Variants in LMNA observed in about 807,000 individuals in gnomAD.
LMNA encodes the protein lamin.
LMNA carries 20 observed loss-of-function variants against 70.4 expected under a neutral mutation model. The observed-to-expected ratio is 0.28, with a 90% CI of 0.20 to 0.41. The LOEUF (loss-of-function observed/expected upper bound fraction) is 0.41. Ranked by LOEUF, LMNA falls within the 10% of genes least tolerant of loss-of-function variation. LMNA has a pLI of 1.00. For synonymous variants in LMNA, 339 were observed against 372.8 expected, an observed-to-expected ratio of 0.91 and a Z score of 1.04; for missense variants, 652 against 917.2, an observed-to-expected ratio of 0.71 and a Z score of 3.73.
At position 156,116,492 on chromosome 1, in the gene LMNA, AG is replaced by A. The variant is rs1194736836; in HGVS notation, c.356+1221del. On this transcript the variant is annotated intron_variant, in intron 1 of 11. Coordinates refer to ENST00000368300, the MANE Select transcript of LMNA (RefSeq NM_170707.4). ...ATGCAGACCCAGGCCAAGAGCACTA[AG>A]GGTGCTTGGAGATCCGTAAAGGGCT... is the stretch of plus-strand genomic sequence containing the variant. Among the ~76,000 whole-genome samples, 12 of 152,196 alleles carry A rather than the reference AG, an allele frequency of 7.9e-5. 1 individual carries two copies. The East Asian group carries it at 1.9e-3, about 24-fold the overall frequency.
rs1649740885 is a variant in LMNA, at chr1:156,115,248, T to C, written c.330T>C (p.Arg110=). 1 of 1,611,416 alleles carries C rather than the reference T, an allele frequency of 6.2e-7. No individual in the cohort carries two copies. The highest frequency in any genetic ancestry group is 1.3e-5 in the African/African-American group (1 of 74,870). ...ARLQLELSKV[R]EEFKELKARN... is the part of the protein sequence containing the mutation. ...TGCAGCTGGAGCTGAGCAAAGTGCG[T>C]GAGGAGTTTAAGGAGCTGAAAGCGC... Residue 110 remains arginine (R), a synonymous_variant, in exon 1 of 12, where the codon CGT becomes CGC. Transcript: ENST00000368300. The surrounding 1 kb of genome is among the most constrained non-coding windows in gnomAD (Gnocchi z 5.8).
Position 156,135,343 on chromosome 1 carries a change from G to A in LMNA, c.936+31G>A, listed in dbSNP as rs1455380222. Reference sequence around the variant, plus strand: ...ACCCCACCTCACCCCTCTCTCCAGGGGCCTAGAGTCTGGGCCGGATGCAGG... The same window carrying A: ...ACCCCACCTCACCCCTCTCTCCAGGAGCCTAGAGTCTGGGCCGGATGCAGG... On this transcript the variant is annotated intron_variant, in intron 5 of 11. Coordinates refer to ENST00000368300, the MANE Select transcript of LMNA (RefSeq NM_170707.4). The surrounding 1 kb of genome is among the most constrained non-coding windows in gnomAD (Gnocchi z 4.8). 5 of 1,608,404 alleles carry A rather than the reference G, an allele frequency of 3.1e-6. No homozygotes were observed. Among genetic ancestry groups the A allele is most frequent in the Non-Finnish European group, 4.2e-6 (5 of 1,177,732 alleles).
chr1:156,137,282 G>A lies in LMNA; in HGVS notation c.1608+50G>A, dbSNP rs1304205434. 2 of 1,538,634 alleles carry A rather than the reference G, an allele frequency of 1.3e-6. No individual in the cohort carries two copies. Among genetic ancestry groups the A allele is most frequent in the Non-Finnish European group, 8.7e-7 (1 of 1,147,692 alleles). On this transcript the variant is annotated intron_variant, in intron 9 of 11. Coordinates refer to ENST00000368300, the MANE Select transcript of LMNA (RefSeq NM_170707.4). The surrounding 1 kb of genome is among the most constrained non-coding windows in gnomAD (Gnocchi z 4.6). Reference sequence around the variant, plus strand: ...TTGCTGGACGAGGCTCCCCCTGATGGCCAACATCGGAGCCAGCTGCCCCCA... The same window carrying A: ...TTGCTGGACGAGGCTCCCCCTGATGACCAACATCGGAGCCAGCTGCCCCCA...
In LMNA at chr1:156,136,318, T is replaced by C. The variant is rs267607564; in HGVS notation, c.1262T>C (p.Leu421Pro). ...GGCAGCGTCACCAAAAAGCGCAAAC[T>C]GGAGTCCACTGAGAGCCGCAGCAGC... is the stretch of plus-strand genomic sequence containing the variant. ...GGGSVTKKRKLESTESRSSFS... is the reference protein window; with the variant it reads ...GGGSVTKKRKPESTESRSSFS... The change falls in exon 7 of 12, where the codon CTG becomes CCG. Residue 421 changes from leucine to proline, a missense_variant. Physicochemically the swap from Leu to Pro is moderately conservative, Grantham distance 98 (BLOSUM62 -3). Coordinates refer to ENST00000368300, the MANE Select transcript of LMNA (RefSeq NM_170707.4). This position sits in a 1 kb window ranked among gnomAD's most constrained non-coding sequence, Gnocchi z 6.1. 8 of 1,612,104 alleles carry C rather than the reference T, an allele frequency of 5.0e-6. No individual in the cohort carries two copies. Among genetic ancestry groups the C allele is most frequent in the Admixed American group, 1.7e-5 (1 of 59,994 alleles).
intron 3 of LMNA, among the ~76,000 whole-genome samples, chr1:156,108,280 G>GA (rs1649421228): frequency 1.3e-5 from 2 of 152,090 alleles, no homozygotes; most frequent in African/African-American, 4.8e-5. Flanking sequence ...TTAATACCCT[G>GA]TAGTCAAAGG....
chr1:156,096,873 G>C (rs1380656868), intron 3 of LMNA, among the ~76,000 whole-genome samples: 1 of 152,212 alleles, frequency 6.6e-6, no homozygotes. Flanking sequence ...AGGGTTCTCA[G>C]CTGGGGCAGG....
chr1:156,091,279 T>G (rs1648687022), intron 3 of LMNA, among the ~76,000 whole-genome samples: 1 of 152,064 alleles, frequency 6.6e-6, no homozygotes, highest in Non-Finnish European at 1.5e-5. Flanking sequence ...TGAAGGGAAA[T>G]AATAATATCT....
At chr1:156,092,975 G>A (rs1464404588) in intron 3 of LMNA, among the ~76,000 whole-genome samples, 14 of 147,586 alleles carry the variant, frequency 9.5e-5, no homozygotes, top group African/African-American at 2.5e-4. Flanking sequence ...TGCAACTTCC[G>A]CCTCCTGGGT....
chr1:156,135,807 A>G lies in LMNA; in HGVS notation c.937-94A>G, dbSNP rs1346351527. ...GAAGCTCTGATTGCAGATCCTGGAG[A>G]GAGTAGCCAGGTGTCTCCTACACCG... is the stretch of plus-strand genomic sequence containing the variant. On this transcript the variant is annotated intron_variant, in intron 5 of 11. Transcript: ENST00000368300. This position sits in a 1 kb window ranked among gnomAD's most constrained non-coding sequence, Gnocchi z 4.8. The G allele has an allele frequency of 2.0e-6, 2 of 991,626 alleles. No individual in the cohort carries two copies. Among genetic ancestry groups the G allele is most frequent in the African/African-American group, 1.6e-5 (1 of 62,458 alleles). The allele number at this position is 991,626 out of a possible 1,614,324, so 61.4% of individuals were successfully genotyped here.
Position 156,137,217 on chromosome 1 carries a change from C to A in LMNA, c.1593C>A (p.Ile531=), listed in dbSNP as rs1651734080. The A allele has an allele frequency of 1.9e-6, 3 of 1,589,630 alleles. No homozygotes were observed. Among genetic ancestry groups the A allele is most frequent in the Non-Finnish European group, 2.6e-6 (3 of 1,169,808 alleles). Residue 531 remains isoleucine (I), a synonymous_variant, in exon 9 of 12, where the codon ATC becomes ATA. Transcript: ENST00000368300. This position sits in a 1 kb window ranked among gnomAD's most constrained non-coding sequence, Gnocchi z 4.6. ...GCGNSLRTAL[I]NSTGEEVAMR... ...GGAACAGCCTGCGTACGGCTCTCAT[C>A]AACTCCACTGGGGAAGTAAGTAGGC...
Position 156,139,647 on chromosome 1 carries a change from C to G in LMNA, c.*541C>G. The G allele has an allele frequency of 1.3e-6, 2 of 1,485,106 alleles. No homozygotes were observed. Among genetic ancestry groups the G allele is most frequent in the Non-Finnish European group, 1.8e-6 (2 of 1,122,680 alleles). The allele number at this position is 1,485,106 out of a possible 1,614,324, so 92.0% of individuals were successfully genotyped here. On this transcript the variant is annotated 3_prime_UTR_variant, in exon 12 of 12. Coordinates refer to ENST00000368300, the MANE Select transcript of LMNA (RefSeq NM_170707.4). ...CCCCTGGGCTTGGCCTGCTGTGATT[C>G]CACTACACCTGGCTGAGGTTCCTCT... is the stretch of plus-strand genomic sequence containing the variant.
rs552076861 is a variant in LMNA, at chr1:156,138,077, C to G, written c.1698+334C>G. 3.3e-5 allele frequency: 18 copies of G among 540,480 alleles called. No individual in the cohort carries two copies. The highest frequency in any genetic ancestry group is 5.0e-5 in the Non-Finnish European group (15 of 300,470). The allele number at this position is 540,480 out of a possible 1,614,324, so 33.5% of individuals were successfully genotyped here. Reference sequence around the variant, plus strand: ...GCATGCCCGCCCTGCCTCTCTCCCCCATTCTTGTTGCATGCATATCCTCTC... The same window carrying G: ...GCATGCCCGCCCTGCCTCTCTCCCCGATTCTTGTTGCATGCATATCCTCTC... On this transcript the variant is annotated intron_variant, in intron 10 of 11. Transcript: ENST00000368300. The surrounding 1 kb of genome is among the most constrained non-coding windows in gnomAD (Gnocchi z 5.5).
chr1:156,129,415 G>A (rs1487505508), intron 1 of LMNA, among the ~76,000 whole-genome samples: 1 of 152,176 alleles, frequency 6.6e-6, no homozygotes, highest in Non-Finnish European at 1.5e-5. Flanking sequence ...GAATTGCTGG[G>A]CCTCTTGGAG....
intron 3 of LMNA, among the ~76,000 whole-genome samples, chr1:156,091,797 T>G (rs1421152807): frequency 6.6e-6 from 1 of 152,098 alleles, no homozygotes; most frequent in Non-Finnish European, 1.5e-5. Context: ...CTGGTAGTGA[T>G]CATCACTGCA....
Position 156,115,328 on chromosome 1 carries a change from C to A in LMNA, c.356+54C>A. ...GGCGGGGAGTGGAGAGGGCGGCGGG[C>A]CGGCGCCCCTGGCCGGCCGCAGGAA... On this transcript the variant is annotated intron_variant, in intron 1 of 11. Transcript: ENST00000368300. The surrounding 1 kb of genome is among the most constrained non-coding windows in gnomAD (Gnocchi z 5.8). 6.6e-7 allele frequency: 1 copy of A among 1,512,432 alleles called. No individual in the cohort carries two copies. The highest frequency in any genetic ancestry group is 9.0e-7 in the Non-Finnish European group (1 of 1,117,058). 93.7% of individuals were successfully genotyped at this position (1,512,432 alleles called of 1,614,324 possible). A position where few individuals can be genotyped will look rare whatever the true frequency, so the allele number is the denominator to read the frequency against.
At chr1:156,094,584 C>T (rs1025272493) in intron 3 of LMNA, among the ~76,000 whole-genome samples, 2 of 152,084 alleles carry the variant, frequency 1.3e-5, no homozygotes, top group Admixed American at 6.6e-5. Flanking sequence ...CTCCTGACCT[C>T]GTGATCTGCC....
chr1:156,137,971 T>G lies in LMNA; in HGVS notation c.1698+228T>G. On this transcript the variant is annotated intron_variant, in intron 10 of 11. Transcript: ENST00000368300. This position sits in a 1 kb window ranked among gnomAD's most constrained non-coding sequence, Gnocchi z 4.6. ...AAGGAAGGGAGTGGGAACTTTCTGA[T>G]GCCATGGAATATTCCTGTGGGAGCA... 1.2e-6 allele frequency: 1 copy of G among 829,136 alleles called. No homozygotes were observed. The highest frequency in any genetic ancestry group is 1.8e-5 in the South Asian group (1 of 55,650). The allele number at this position is 829,136 out of a possible 1,614,324, so 51.4% of individuals were successfully genotyped here.
At chr1:156,109,239 G>T (rs1175862557) in intron 3 of LMNA, among the ~76,000 whole-genome samples, 1 of 152,186 alleles carries the variant, frequency 6.6e-6, no homozygotes, top group Non-Finnish European at 1.5e-5. Context: ...TCACTGGGCT[G>T]AACCCACCGG....
At chr1:156,096,887 G>T (rs1222051934) in intron 3 of LMNA, among the ~76,000 whole-genome samples, 1 of 152,256 alleles carries the variant, frequency 6.6e-6, no homozygotes, top group East Asian at 1.9e-4. Flanking sequence ...GGGCAGGAGA[G>T]ATGGGGTCCT....
Sources: gnomAD v4.1 joint callset for allele counts (sites outside exome capture counted in the v4.1 genomes callset) on GRCh38, gnomAD v4.1.1 for gene constraint, Gnocchi (gnomAD v3.1) non-coding constraint, MANE v1.5 for transcripts, NCBI Gene and HGNC (gene_info 2026-07-23, HGNC 2026-07-21) for gene names.